BMP2K: variants seen among roughly 807,000 people sequenced by gnomAD.
The protein encoded by BMP2K is BMP-2-inducible protein kinase.
Under a neutral mutation model 116.0 loss-of-function variants are expected in BMP2K, and 74 were observed. The ratio of observed to expected loss-of-function variants is 0.64; its 90% confidence interval spans 0.53 to 0.77. BMP2K has a LOEUF of 0.77. Ranked by LOEUF, BMP2K falls within the 30% of genes least tolerant of loss-of-function variation. The pLI is 0.00. For missense variants in BMP2K, 1,365 were observed against 1,403.6 expected, an observed-to-expected ratio of 0.97 and a Z score of 0.44; for synonymous variants, 486 against 502.5, an observed-to-expected ratio of 0.97 and a Z score of 0.44.
intron 14 of BMP2K, among the ~76,000 whole-genome samples, chr4:78,885,891 G>C (rs1733052229): frequency 6.6e-6 from 1 of 152,144 alleles, no homozygotes; most frequent in Non-Finnish European, 1.5e-5. Flanking sequence ...GAGTCTCTCT[G>C]TCATCCAGGC....
chr4:78,901,290 G>A (rs1333937879), intron 15 of BMP2K, among the ~76,000 whole-genome samples: 1 of 151,496 alleles, frequency 6.6e-6, no homozygotes, highest in Non-Finnish European at 1.5e-5. Flanking sequence ...CTAATTCCTG[G>A]TCTCAAGAAA....
chr4:78,848,297 A>G (rs1401803840), intron 6 of BMP2K, among the ~76,000 whole-genome samples: 4 of 151,758 alleles, frequency 2.6e-5, no homozygotes, highest in Admixed American at 2.0e-4. Context: ...GGTACTACTT[A>G]TAGATCTCCA....
chr4:78,778,037 A>G (rs1727331211), intron 1 of BMP2K, among the ~76,000 whole-genome samples: 1 of 152,216 alleles, frequency 6.6e-6, no homozygotes, highest in African/African-American at 2.4e-5. Context: ...CTAGCTCTTT[A>G]TTACACATGA....
chr4:78,809,293 T>C (rs1728967795), intron 1 of BMP2K, among the ~76,000 whole-genome samples: 1 of 152,222 alleles, frequency 6.6e-6, no homozygotes, highest in South Asian at 2.1e-4. Context: ...TCTTTGGTTA[T>C]TATATACATG....
intron 8 of BMP2K, among the ~76,000 whole-genome samples, chr4:78,860,236 T>G (rs1731707980): frequency 6.6e-6 from 1 of 151,766 alleles, no homozygotes; most frequent in Non-Finnish European, 1.5e-5. Context: ...GGGTACAATA[T>G]ACACTATTTG....
At position 78,854,838 on chromosome 4, in the gene BMP2K, T is replaced by C. The variant is rs193076136; in HGVS notation, c.883+3782T>C. Reference sequence around the variant, plus strand: ...TAAATTTTCATGTACCTCATGAAAATACCTCACCCAACCTCACTGGTTATC... The same window carrying C: ...TAAATTTTCATGTACCTCATGAAAACACCTCACCCAACCTCACTGGTTATC... On this transcript the variant is annotated intron_variant, in intron 7 of 15. Coordinates refer to ENST00000502613, the MANE Select transcript of BMP2K (RefSeq NM_198892.2). Among the ~76,000 whole-genome samples, 4 of 152,140 alleles carry C rather than the reference T, an allele frequency of 2.6e-5. No individual in the cohort carries two copies. In the East Asian group the frequency reaches 7.7e-4, roughly 29 times the overall value.
intron 1 of BMP2K, among the ~76,000 whole-genome samples, chr4:78,819,998 G>A (rs1729538008): frequency 6.6e-6 from 1 of 152,084 alleles, no homozygotes; most frequent in South Asian, 2.1e-4. Context: ...GGATTCTAGT[G>A]TATTTTCTGG....
At chr4:78,904,670 T>C (rs1329468949) in intron 15 of BMP2K, among the ~76,000 whole-genome samples, 1 of 151,946 alleles carries the variant, frequency 6.6e-6, no homozygotes, top group South Asian at 2.1e-4. Context: ...CATTTTCAGA[T>C]AGTAGAATTC....
rs567866575 is a variant in BMP2K at position 78,776,797 on chromosome 4, G to T, written c.178+76G>T. 436 of 1,173,054 alleles carry T rather than the reference G, an allele frequency of 3.7e-4. 3 individuals are homozygous for T. In the Middle Eastern group the frequency reaches 5.2e-3, roughly 14 times the overall value. The allele number at this position is 1,173,054 out of a possible 1,614,324, so 72.7% of individuals were successfully genotyped here. A position where few individuals can be genotyped will look rare whatever the true frequency, so the allele number is the denominator to read the frequency against. ...GTGGCGGCGGCTTCTCCGGGTCCTC[G>T]CCCTCCGGACTGACTCTTATACCCC... is the stretch of plus-strand genomic sequence containing the variant. On this transcript the variant is annotated intron_variant, in intron 1 of 15. Transcript: ENST00000502613.
intron 1 of BMP2K, among the ~76,000 whole-genome samples, chr4:78,800,318 T>C (rs972773506): frequency 2.6e-5 from 4 of 152,212 alleles, no homozygotes; most frequent in African/African-American, 9.6e-5. Flanking sequence ...GAGATAGTTA[T>C]ACAAAGTGCA....
intron 1 of BMP2K, among the ~76,000 whole-genome samples, chr4:78,789,436 C>T (rs1168815178): frequency 6.6e-6 from 1 of 152,060 alleles, no homozygotes; most frequent in African/African-American, 2.4e-5. Flanking sequence ...AGTCATAGCT[C>T]CTGTATGTAT....
chr4:78,799,176 C>T (rs1728447428), intron 1 of BMP2K, among the ~76,000 whole-genome samples: 1 of 151,966 alleles, frequency 6.6e-6, no homozygotes, highest in Non-Finnish European at 1.5e-5. Context: ...AGTGGACATA[C>T]AAACATATAT....
In BMP2K at chr4:78,829,775, C is replaced by CT. The variant is rs1305382263; in HGVS notation, c.297+3624dup. 3.5e-5 allele frequency among the ~76,000 whole-genome samples: 4 copies of CT among 113,420 alleles called. No individual in the cohort carries two copies. In the Middle Eastern group the frequency reaches 0.012, roughly 343 times the overall value. 74.4% of individuals were successfully genotyped at this position (113,420 alleles called of 152,430 possible). On this transcript the variant is annotated intron_variant, in intron 2 of 15. Coordinates refer to ENST00000502613, the MANE Select transcript of BMP2K (RefSeq NM_198892.2). ...ACAATCTTTTCTTTTCTTTTCTTTT[C>CT]TTTTCTTTTCTTTTCTCTTCTCTTC...
At chr4:78,898,269 T>C (rs928496862) in intron 15 of BMP2K, among the ~76,000 whole-genome samples, 4 of 152,054 alleles carry the variant, frequency 2.6e-5, no homozygotes, top group Non-Finnish European at 5.9e-5. Flanking sequence ...GAGTTTAGGA[T>C]TGGGAAACAT....
intron 1 of BMP2K, among the ~76,000 whole-genome samples, chr4:78,787,451 G>C (rs1727782337): frequency 6.6e-6 from 1 of 152,148 alleles, no homozygotes; most frequent in African/African-American, 2.4e-5. Flanking sequence ...AAATGTTCTA[G>C]CCTGAATTCC....
intron 3 of BMP2K, among the ~76,000 whole-genome samples, chr4:78,839,789 A>G (rs971717944): frequency 1.3e-5 from 2 of 152,264 alleles, no homozygotes; most frequent in African/African-American, 2.4e-5. Context: ...AGAAAGATGT[A>G]AGCTGGGAGG....
Position 78,912,161 on chromosome 4 carries a change from T to A in BMP2K, c.*128T>A. On this transcript the variant is annotated 3_prime_UTR_variant, in exon 16 of 16. Transcript: ENST00000502613. ...TAAAGATCAGTCAGAATAGGTGATT[T>A]CTAAATAAACCAAATAGAAGAATGA... 2.4e-6 allele frequency: 2 copies of A among 850,876 alleles called. No homozygotes were observed. The highest frequency in any genetic ancestry group is 3.7e-6 in the Non-Finnish European group (2 of 539,260). The allele number at this position is 850,876 out of a possible 1,614,324, so 52.7% of individuals were successfully genotyped here.
At chr4:78,777,851 GAGAA>G (rs1299438872) in intron 1 of BMP2K, among the ~76,000 whole-genome samples, 1 of 152,322 alleles carries the variant, frequency 6.6e-6, no homozygotes, top group South Asian at 2.1e-4. Context: ...ATATTTGAAA[GAGAA>G]AGAAATCGTG....
intron 15 of BMP2K, among the ~76,000 whole-genome samples, chr4:78,891,476 CT>C (rs1210596624): frequency 6.6e-6 from 1 of 152,078 alleles, no homozygotes; most frequent in Non-Finnish European, 1.5e-5. Context: ...TCTTTCTGGA[CT>C]TTCTTCTTTT....
Sources: gnomAD v4.1 joint callset for allele counts (sites outside exome capture counted in the v4.1 genomes callset) on GRCh38, gnomAD v4.1.1 for gene constraint, MANE v1.5 for transcripts, NCBI Gene and HGNC (gene_info 2026-07-23, HGNC 2026-07-21) for gene names.